The following PTER variants were observed in gnomAD, a reference collection of about 807,000 sequenced individuals.
PTER encodes the protein N-acetyltaurine hydrolase.
PTER carries 38 observed loss-of-function variants against 29.6 expected under a neutral mutation model. That is an observed-to-expected ratio of 1.28 (90% CI 0.99 to 1.68). PTER has a LOEUF of 1.68. Among genes scored for constraint, PTER ranks in the 40% most tolerant of loss-of-function variants. The pLI is 0.00. For synonymous variants in PTER, 172 were observed against 154.5 expected (o/e 1.11, Z -0.84); for missense variants, 482 against 427.8 (o/e 1.13, Z -1.12).
At chr10:16,459,310 G>A (rs1834521697) in intron 1 of PTER, among the ~76,000 whole-genome samples, 1 of 152,126 alleles carries the variant, frequency 6.6e-6, no homozygotes, top group Non-Finnish European at 1.5e-5. Context: ...TACTATTAGA[G>A]AATCATACTT....
At position 16,467,598 on chromosome 10, in the gene PTER, G is replaced by A. The variant is rs545624623; in HGVS notation, c.-48-16739G>A. On this transcript the variant is annotated intron_variant, in intron 1 of 4. Coordinates refer to ENST00000535784, the MANE Select transcript of PTER (RefSeq NM_001261836.2). The stretch of plus-strand genomic sequence containing the variant: ...AGGTTGAGGTGGGTGGATCACCTGA[G>A]GTCAGGAGTTCGAGACCAGTCTGGC... 4.6e-5 allele frequency among the ~76,000 whole-genome samples: 7 copies of A among 152,252 alleles called. No individual in the cohort carries two copies. In the South Asian group the frequency reaches 1.5e-3, roughly 32 times the overall value.
intron 1 of PTER, among the ~76,000 whole-genome samples, chr10:16,466,511 A>T (rs146439404): frequency 0.023 from 3,436 of 152,252 alleles, 81 homozygotes; most frequent in Admixed American, 0.056. Context: ...ATGGGCCACC[A>T]CGCCCAGCTA....
chr10:16,447,080 T>C (rs1184087420), intron 1 of PTER, among the ~76,000 whole-genome samples: 1 of 150,366 alleles, frequency 6.7e-6, no homozygotes, highest in Non-Finnish European at 1.5e-5. Flanking sequence ...TGAGATAGCA[T>C]ACCCGGCCTT....
At chr10:16,456,448 G>T (rs988538526) in intron 1 of PTER, among the ~76,000 whole-genome samples, 3 of 152,182 alleles carry the variant, frequency 2.0e-5, no homozygotes, top group Non-Finnish European at 2.9e-5. Context: ...ATTTGTCATT[G>T]ACATAGGGTA....
chr10:16,474,491 C>G (rs17138664), intron 1 of PTER, among the ~76,000 whole-genome samples: 1 of 151,890 alleles, frequency 6.6e-6, no homozygotes, highest in Non-Finnish European at 1.5e-5. Context: ...ACATATTATT[C>G]GGCGTTAGTC....
chr10:16,514,212 A>G (rs1213194066), downstream of PTER: 2 of 430,432 alleles, frequency 4.6e-6, no homozygotes, highest in Non-Finnish European at 8.1e-6. Flanking sequence ...TATCATATAT[A>G]TAGAAGAAAT....
intron 1 of PTER, among the ~76,000 whole-genome samples, chr10:16,465,989 C>G (rs955074930): frequency 6.6e-6 from 1 of 152,144 alleles, no homozygotes; most frequent in Non-Finnish European, 1.5e-5. Flanking sequence ...CCCATCTGTT[C>G]CCTCCCTCAA....
At chr10:16,452,763 A>G (rs941581937) in intron 1 of PTER, among the ~76,000 whole-genome samples, 1 of 142,688 alleles carries the variant, frequency 7.0e-6, no homozygotes, top group African/African-American at 2.6e-5. Context: ...TATTATTGTT[A>G]TTATTTTGAG....
At chr10:16,461,958 T>A (rs981573872) in intron 1 of PTER, among the ~76,000 whole-genome samples, 1 of 152,068 alleles carries the variant, frequency 6.6e-6, no homozygotes, top group Non-Finnish European at 1.5e-5. Flanking sequence ...GTCTCTGTTT[T>A]ACTGGAAGCC....
At chr10:16,480,115 T>C (rs980167804) in intron 1 of PTER, among the ~76,000 whole-genome samples, 1 of 149,152 alleles carries the variant, frequency 6.7e-6, no homozygotes, top group African/African-American at 2.5e-5. Context: ...AATTAGACCT[T>C]TCATGGTTGG....
intron 1 of PTER, among the ~76,000 whole-genome samples, chr10:16,447,931 C>T (rs192981039): frequency 6.6e-6 from 1 of 152,220 alleles, no homozygotes; most frequent in African/African-American, 2.4e-5. Flanking sequence ...CTTCAGGACC[C>T]GTTCGAGCCC....
chr10:16,454,698 T>C (rs906701881), intron 1 of PTER, among the ~76,000 whole-genome samples: 2 of 152,092 alleles, frequency 1.3e-5, no homozygotes, highest in Non-Finnish European at 2.9e-5. Flanking sequence ...ACATATAATA[T>C]AATTTCCATT....
Position 16,484,619 on chromosome 10 carries a change from G to A in PTER, c.235G>A (p.Ala79Thr), listed in dbSNP as rs765867000. Residue 79 changes from alanine to threonine, a missense_variant, in exon 2 of 5, where the codon GCC becomes ACC. Ala to Thr is a moderately conservative substitution (Grantham distance 58). Coordinates refer to ENST00000535784, the MANE Select transcript of PTER (RefSeq NM_001261836.2). Reference sequence around the variant, plus strand: ...CCTTCAATTAAATCAGGAGACAGAAGCCATAAAGGAAGAACTGTTGTATTT... The same window carrying A: ...CCTTCAATTAAATCAGGAGACAGAAACCATAAAGGAAGAACTGTTGTATTT... ...ENLQLNQETE[A>T]IKEELLYFKA... 1 of 1,614,128 alleles carries A rather than the reference G, an allele frequency of 6.2e-7. No homozygotes were observed. The highest frequency in any genetic ancestry group is 8.5e-7 in the Non-Finnish European group (1 of 1,179,986).
At chr10:16,514,246 A>G (rs1281903051), downstream of PTER, 8 of 439,220 alleles carry the variant, frequency 1.8e-5, no homozygotes, top group Non-Finnish European at 1.6e-5. Flanking sequence ...AGATTTGTCT[A>G]TAAAAATTTG....
At position 16,471,970 on chromosome 10, in the gene PTER, G is replaced by A. The variant is rs552195518; in HGVS notation, c.-48-12367G>A. Among the ~76,000 whole-genome samples, 22 of 152,252 alleles carry A rather than the reference G, an allele frequency of 1.4e-4. No individual in the cohort carries two copies. In the South Asian group the frequency reaches 2.1e-3, roughly 14 times the overall value. The stretch of plus-strand genomic sequence containing the variant: ...TGGGCAAATTTGCACTTTTGCCAGC[G>A]TGTGGCTAGGAGGTTGTCATACCTC... On this transcript the variant is annotated intron_variant, in intron 1 of 4. Coordinates refer to ENST00000535784, the MANE Select transcript of PTER (RefSeq NM_001261836.2).
intron 1 of PTER, among the ~76,000 whole-genome samples, chr10:16,462,372 T>G (rs1186610519): frequency 6.6e-6 from 1 of 152,132 alleles, no homozygotes; most frequent in African/African-American, 2.4e-5. Flanking sequence ...TTTATTTCCT[T>G]TATAAGAAGT....
chr10:16,507,552 T>A (rs564240406), intron 4 of PTER, among the ~76,000 whole-genome samples: 2 of 152,190 alleles, frequency 1.3e-5, no homozygotes, highest in Non-Finnish European at 2.9e-5. Flanking sequence ...AGTTGGGACA[T>A]CCTGAGGATC....
rs1215400825 is a variant in PTER, at chr10:16,511,092, G to A, written c.886G>A (p.Ala296Thr). The A allele has an allele frequency of 2.5e-6, 4 of 1,614,050 alleles. No individual in the cohort carries two copies. Among genetic ancestry groups the A allele is most frequent in the South Asian group, 2.2e-5 (2 of 91,058 alleles). ...GGGCTGTGAAGATCGAATTCTGGTA[G>A]CACATGACATACATACGAAAACCCG... The part of the protein sequence containing the change: ...EEGCEDRILV[A>T]HDIHTKTRLM... The change falls in exon 5 of 5, where the codon GCA (alanine) becomes ACA (threonine). Residue 296 changes from alanine (A) to threonine (T), a missense_variant. Ala to Thr is a moderately conservative substitution (Grantham distance 58). Coordinates refer to ENST00000535784, the MANE Select transcript of PTER (RefSeq NM_001261836.2).
intron 1 of PTER, among the ~76,000 whole-genome samples, chr10:16,449,829 A>C (rs528944988): frequency 1.3e-4 from 20 of 152,172 alleles, no homozygotes; most frequent in African/African-American, 4.8e-4. Flanking sequence ...TAGCATCTTA[A>C]TCTCCCTAAG....
Sources: gnomAD v4.1 joint callset for allele counts (sites outside exome capture counted in the v4.1 genomes callset) on GRCh38, gnomAD v4.1.1 for gene constraint, MANE v1.5 for transcripts, NCBI Gene and HGNC (gene_info 2026-07-23, HGNC 2026-07-21) for gene names.